SLC12A4: variants seen among roughly 807,000 people sequenced by gnomAD.
SLC12A4 encodes electroneutral potassium-chloride cotransporter 1.
SLC12A4 carries 84 observed loss-of-function variants against 119.2 expected under a neutral mutation model. The observed-to-expected ratio is 0.70, with a 90% CI of 0.59 to 0.85. The LOEUF (loss-of-function observed/expected upper bound fraction) is 0.85. SLC12A4 is among the 40% of genes least tolerant of loss of function. SLC12A4 has a pLI of 0.00. For missense variants in SLC12A4, 1,298 were observed against 1,476.3 expected (o/e 0.88, Z 1.98); for synonymous variants, 599 against 604.6 (o/e 0.99, Z 0.14).
chr16:67,961,208 A>G (rs928374869), intron 3 of SLC12A4, among the ~76,000 whole-genome samples: 2 of 152,204 alleles, frequency 1.3e-5, no homozygotes, highest in Non-Finnish European at 2.9e-5. Flanking sequence ...TGTCCCTGAC[A>G]CTATTTCCTT....
chr16:67,951,865 C>T lies in SLC12A4; in HGVS notation c.1090G>A (p.Glu364Lys), dbSNP rs372093952. The T allele has an allele frequency of 1.1e-5, 17 of 1,613,634 alleles. No individual in the cohort carries two copies. Among genetic ancestry groups the T allele is most frequent in the Admixed American group, 1.7e-5 (1 of 59,996 alleles). The change falls in exon 8 of 24, where the codon GAG (glutamate) becomes AAG (lysine). Residue 364 changes from glutamate to lysine, a missense_variant. Transcript: ENST00000316341. The surrounding 1 kb of genome is among the most constrained non-coding windows in gnomAD (Gnocchi z 5.2). Reference sequence around the variant, plus strand: ...GCTGCCCCGGGGATGCCAGGGATCTCGGTCACATTGTTGAGCATGAAGTAG... The same window carrying T: ...GCTGCCCCGGGGATGCCAGGGATCTTGGTCACATTGTTGAGCATGAAGTAG... ...DPYFMLNNVT[E>K]IPGIPGAAAG... is the part of the protein sequence containing the mutation.
In SLC12A4 at chr16:67,951,306, T is replaced by C. The variant is rs1189304810; in HGVS notation, c.1133-2A>G. 6 of 1,611,806 alleles carry C rather than the reference T, an allele frequency of 3.7e-6. No homozygotes were observed. The Admixed American group carries it at 8.3e-5, about 22-fold the overall frequency. On this transcript the variant is annotated splice_acceptor_variant, in intron 8 of 23. Coordinates refer to ENST00000316341, the MANE Select transcript of SLC12A4 (RefSeq NM_005072.5). LOFTEE classifies it high-confidence loss of function. The surrounding 1 kb of genome is among the most constrained non-coding windows in gnomAD (Gnocchi z 5.2). ...CCAGGTAGGCGCTCCACAGGTTTTC[T>C]GCAGGGGTAGCTGTGTCACCACCAC...
At chr16:67,946,902 A>G (rs1277830826) in intron 17 of SLC12A4, 35 bp downstream of exon 17, 1 of 1,601,540 alleles carries the variant, frequency 6.2e-7, no homozygotes, top group Non-Finnish European at 8.5e-7. Context: ...AGACCCCTGT[A>G]GTCTGGCTCA....
chr16:67,949,882 A>C lies in SLC12A4; in HGVS notation c.1666T>G (p.Trp556Gly), dbSNP rs746557572. The C allele has an allele frequency of 6.2e-7, 1 of 1,611,232 alleles. No homozygotes were observed. Residue 556 changes from tryptophan (W) to glycine (G), a missense_variant, in exon 13 of 24, where the codon TGG becomes GGG. Coordinates refer to ENST00000316341, the MANE Select transcript of SLC12A4 (RefSeq NM_005072.5). This position sits in a 1 kb window ranked among gnomAD's most constrained non-coding sequence, Gnocchi z 4.6. ...ATGAGTGCCGTCAGGAGGAGTGCCC[A>C]TGTGGGTTCACCATTCACCTTCCCG... Reference protein sequence around the residue: ...GHGKVNGEPTWALLLTALIAE... With the variant: ...GHGKVNGEPTGALLLTALIAE...
chr16:67,944,630 C>T lies in SLC12A4; in HGVS notation c.*210G>A. On this transcript the variant is annotated 3_prime_UTR_variant, in exon 24 of 24. Coordinates refer to ENST00000316341, the MANE Select transcript of SLC12A4 (RefSeq NM_005072.5). This position sits in a 1 kb window ranked among gnomAD's most constrained non-coding sequence, Gnocchi z 6.6. ...CTGGGGTGCTAGATAGTAAAGTCCCCAAACATCCCAGGGTCCCACAAGACC... is the reference window on the plus strand; with the variant it reads ...CTGGGGTGCTAGATAGTAAAGTCCCTAAACATCCCAGGGTCCCACAAGACC... The T allele has an allele frequency of 7.1e-7, 1 of 1,414,842 alleles. No homozygotes were observed. Among genetic ancestry groups the T allele is most frequent in the African/African-American group, 1.4e-5 (1 of 69,434 alleles). 87.6% of individuals were successfully genotyped at this position (1,414,842 alleles called of 1,614,324 possible). A position where few individuals can be genotyped will look rare whatever the true frequency, so the allele number is the denominator to read the frequency against.
rs2058365344 is a variant in SLC12A4 at position 67,947,492 on chromosome 16, T to C, written c.1968-57A>G. 8 of 1,561,156 alleles carry C rather than the reference T, an allele frequency of 5.1e-6. No homozygotes were observed. In the South Asian group the frequency reaches 8.0e-5, roughly 16 times the overall value. On this transcript the variant is annotated intron_variant, in intron 15 of 23. Transcript: ENST00000316341. ...GGTGCCGCCCAGGGGGTTCTGTCTA[T>C]GTGGATGCGAGGTGGAGGGGTTCTG...
Position 67,950,930 on chromosome 16 carries a change from G to A in SLC12A4, c.1396+32C>T, listed in dbSNP as rs1308147838. On this transcript the variant is annotated intron_variant, in intron 10 of 23. Transcript: ENST00000316341. The surrounding 1 kb of genome is among the most constrained non-coding windows in gnomAD (Gnocchi z 4.3). The stretch of plus-strand genomic sequence containing the variant: ...ACAGGCCAAGCGCTTCCCGTCCTCT[G>A]CCCCACCTGCCCCAGGCCTGGGAAA... The A allele has an allele frequency of 2.5e-6, 4 of 1,605,238 alleles. No individual in the cohort carries two copies. In the South Asian group the frequency reaches 3.3e-5, roughly 13 times the overall value.
At chr16:67,964,742 C>A (rs2030782955) in intron 1 of SLC12A4, among the ~76,000 whole-genome samples, 1 of 152,174 alleles carries the variant, frequency 6.6e-6, no homozygotes, top group Non-Finnish European at 1.5e-5. Context: ...GCCATGCCCG[C>A]CAACCTTTTC....
At chr16:67,968,310 A>C (rs979910800) in intron 1 of SLC12A4, 129 bp downstream of exon 1, 13 of 813,156 alleles carry the variant, frequency 1.6e-5, no homozygotes, top group Middle Eastern at 3.2e-4. Flanking sequence ...GGCGCGGTCC[A>C]AAAAAAGTTG....
In SLC12A4 at chr16:67,944,009, G is replaced by A. The variant is rs933227105; in HGVS notation, c.*831C>T. On this transcript the variant is annotated 3_prime_UTR_variant, in exon 24 of 24. Transcript: ENST00000316341. The surrounding 1 kb of genome is among the most constrained non-coding windows in gnomAD (Gnocchi z 6.6). ...CCTTGGGCGTGGTGTGCGGGGGGAA[G>A]AGCACATTGAGGAGCCAGAAGGGGG... is the stretch of plus-strand genomic sequence containing the variant. 3.9e-6 allele frequency: 6 copies of A among 1,548,272 alleles called. No individual in the cohort carries two copies. In the African/African-American group the frequency reaches 6.9e-5, roughly 18 times the overall value.
chr16:67,963,548 G>C lies in SLC12A4; in HGVS notation c.127C>G (p.His43Asp), dbSNP rs1183438189. The C allele has an allele frequency of 4.4e-6, 7 of 1,579,526 alleles. No homozygotes were observed. The highest frequency in any genetic ancestry group is 6.0e-6 in the Non-Finnish European group (7 of 1,168,672). ...GAAAGAAAAGGGCTGCTCTCTCTGTGGTTGCCATGTCCTGTGAAGAGAGAG... is the reference window on the plus strand; with the variant it reads ...GAAAGAAAAGGGCTGCTCTCTCTGTCGTTGCCATGTCCTGTGAAGAGAGAG... ...ELDDSDGHGNHRESSPFLSPL... is the reference protein window; with the variant it reads ...ELDDSDGHGNDRESSPFLSPL... Residue 43 changes from histidine to aspartate, a missense_variant, in exon 2 of 24, where the codon CAC becomes GAC. Physicochemically the swap from His to Asp is moderately conservative, Grantham distance 81. Transcript: ENST00000316341.
chr16:67,946,489 G>T lies in SLC12A4; in HGVS notation c.2386C>A (p.Pro796Thr), dbSNP rs1191687251. Residue 796 changes from proline (P) to threonine (T), a missense_variant, in exon 18 of 24, where the codon CCC becomes ACC. By Grantham distance (38) the Pro-to-Thr change is conservative. Coordinates refer to ENST00000316341, the MANE Select transcript of SLC12A4 (RefSeq NM_005072.5). Reference sequence around the variant, plus strand: ...TCCTCGCTCTGTCGCCAGCCGTAGGGCCAGCCCAGCACCACGGAGTTATGC... The same window carrying T: ...TCCTCGCTCTGTCGCCAGCCGTAGGTCCAGCCCAGCACCACGGAGTTATGC... ...MRHNSVVLGW[P>T]YGWRQSEDPR... The T allele has an allele frequency of 1.4e-5, 22 of 1,608,482 alleles. No homozygotes were observed. Among genetic ancestry groups the T allele is most frequent in the Non-Finnish European group, 1.9e-5 (22 of 1,179,976 alleles).
At chr16:67,959,278 C>T (rs928568921) in intron 3 of SLC12A4, among the ~76,000 whole-genome samples, 3 of 152,170 alleles carry the variant, frequency 2.0e-5, no homozygotes, top group Non-Finnish European at 4.4e-5. Flanking sequence ...GTGCAGCCTC[C>T]GAAGTGTGGC....
At chr16:67,968,355 A>T in intron 1 of SLC12A4, 84 bp downstream of exon 1, 1 of 1,257,256 alleles carries the variant, frequency 8.0e-7, no homozygotes, top group Non-Finnish European at 1.1e-6. Flanking sequence ...AGGTCCCGGG[A>T]TAGGTGCGGG....
chr16:67,958,315 T>C (rs777982881), intron 3 of SLC12A4, among the ~76,000 whole-genome samples: 4 of 152,166 alleles, frequency 2.6e-5, no homozygotes, highest in Non-Finnish European at 5.9e-5. Context: ...TCCTCTCTTC[T>C]GTTAAACTTC....
At position 67,946,202 on chromosome 16, in the gene SLC12A4, A is replaced by G. The variant is rs1352401599; in HGVS notation, c.2576T>C (p.Met859Thr). 1.7e-5 allele frequency: 28 copies of G among 1,613,824 alleles called. No individual in the cohort carries two copies. The highest frequency in any genetic ancestry group is 2.4e-5 in the Non-Finnish European group (28 of 1,180,030). Residue 859 changes from methionine to threonine, a missense_variant, in exon 19 of 24, where the codon ATG becomes ACG. Physicochemically the swap from Met to Thr is moderately conservative, Grantham distance 81 (BLOSUM62 -1). Transcript: ENST00000316341. ...WWIVHDGGML[M>T]LLPFLLRQHK... ...CTGGCGCAGCAGGAAGGGCAGAAGC[A>G]TGAGCATGCCACCATCGTGCACGAT... is the stretch of plus-strand genomic sequence containing the variant.
Position 67,948,134 on chromosome 16 carries a change from C to T in SLC12A4, c.1774G>A (p.Val592Met), listed in dbSNP as rs750719076. The change falls in exon 14 of 24, where the codon GTG (valine) becomes ATG (methionine). Residue 592 changes from valine to methionine, a missense_variant. Coordinates refer to ENST00000316341, the MANE Select transcript of SLC12A4 (RefSeq NM_005072.5). ...GTCTGCACCGCACAGGCGAGGTTCACGAACAGGTAGCACATCAGAAAGAAC... is the reference window on the plus strand; with the variant it reads ...GTCTGCACCGCACAGGCGAGGTTCATGAACAGGTAGCACATCAGAAAGAAC... ...SMFFLMCYLFVNLACAVQTLL... is the reference protein window; with the variant it reads ...SMFFLMCYLFMNLACAVQTLL... 1.2e-5 allele frequency: 19 copies of T among 1,613,250 alleles called. No individual in the cohort carries two copies. Among genetic ancestry groups the T allele is most frequent in the East Asian group, 2.2e-5 (1 of 44,884 alleles).
At chr16:67,952,729 C>T (rs2029999596) in intron 6 of SLC12A4, among the ~76,000 whole-genome samples, 1 of 151,492 alleles carries the variant, frequency 6.6e-6, no homozygotes, top group Non-Finnish European at 1.5e-5. Flanking sequence ...GCAGAGGTTG[C>T]AGTGAGCAGA....
chr16:67,957,189 C>T (rs1438230223), intron 5 of SLC12A4, among the ~76,000 whole-genome samples: 34 of 129,076 alleles, frequency 2.6e-4, no homozygotes, highest in African/African-American at 1.0e-3. Flanking sequence ...TTTTTTTTTG[C>T]GACGGAGTCT....
Sources: gnomAD v4.1 joint callset for allele counts (sites outside exome capture counted in the v4.1 genomes callset) on GRCh38, gnomAD v4.1.1 for gene constraint, Gnocchi (gnomAD v3.1) non-coding constraint, MANE v1.5 for transcripts, NCBI Gene and HGNC (gene_info 2026-07-23, HGNC 2026-07-21) for gene names.